WWOX: variants seen among roughly 807,000 people sequenced by gnomAD.
WWOX encodes the protein WW domain-containing oxidoreductase.
In WWOX, 69 loss-of-function variants were observed where a neutral mutation model predicts 46.2. The observed-to-expected ratio is 1.49, with a 90% confidence interval of 1.23 to 1.82. The LOEUF is 1.82. WWOX is among the 40% of genes most tolerant of loss of function. The pLI is 0.00. For synonymous variants in WWOX, 359 were observed against 202.6 expected, an observed-to-expected ratio of 1.77 and a Z score of -6.56; for missense variants, 919 against 542.6, an observed-to-expected ratio of 1.69 and a Z score of -6.89.
At chr16:78,982,053 G>T (rs905355473) in intron 8 of WWOX, among the ~76,000 whole-genome samples, 2 of 152,082 alleles carry the variant, frequency 1.3e-5, no homozygotes, top group East Asian at 1.9e-4. Flanking sequence ...TGGGTGAAAC[G>T]TGTTGTCTGT....
chr16:79,208,546 C>A (rs956460692), intron 8 of WWOX, among the ~76,000 whole-genome samples: 1 of 152,088 alleles, frequency 6.6e-6, no homozygotes, highest in Admixed American at 6.5e-5. Context: ...TTAGATGGCT[C>A]TTTCATCTTT....
chr16:78,389,866 C>G (rs561722056), intron 6 of WWOX, among the ~76,000 whole-genome samples: 1 of 152,324 alleles, frequency 6.6e-6, no homozygotes, highest in South Asian at 2.1e-4. Context: ...TCTCATGCCT[C>G]ATCCTCCAGA....
chr16:78,282,993 A>T, intron 5 of WWOX, among the ~76,000 whole-genome samples: 1 of 151,832 alleles, frequency 6.6e-6, no homozygotes, highest in Non-Finnish European at 1.5e-5. Flanking sequence ...ATTGTACAGC[A>T]GAGTTGGTCC....
intron 8 of WWOX, among the ~76,000 whole-genome samples, chr16:79,007,506 A>G (rs746101713): frequency 6.6e-6 from 1 of 152,234 alleles, no homozygotes; most frequent in Non-Finnish European, 1.5e-5. Context: ...AAAGATGATG[A>G]AGGCCTTGTA....
chr16:78,230,599 A>G (rs1019282527), intron 5 of WWOX, among the ~76,000 whole-genome samples: 4 of 152,232 alleles, frequency 2.6e-5, no homozygotes, highest in African/African-American at 7.2e-5. Context: ...AAAGAATACT[A>G]TCAACTGCTG....
intron 5 of WWOX, among the ~76,000 whole-genome samples, chr16:78,246,059 C>T (rs895417158): frequency 1.3e-5 from 2 of 152,062 alleles, no homozygotes; most frequent in Admixed American, 1.3e-4. Flanking sequence ...ACAAATCTGC[C>T]TTCCCTCATT....
chr16:78,825,178 G>A (rs1035851226), intron 8 of WWOX: 1 of 157,084 alleles, frequency 6.4e-6, no homozygotes, highest in African/African-American at 2.4e-5. Context: ...CCACCCAGGT[G>A]TGTTCCATGG....
At chr16:79,178,137 G>A (rs907491076) in intron 8 of WWOX, among the ~76,000 whole-genome samples, 1 of 152,086 alleles carries the variant, frequency 6.6e-6, no homozygotes, top group Non-Finnish European at 1.5e-5. Flanking sequence ...CCTTTTCAAC[G>A]CTTGAATTTT....
At chr16:78,773,622 C>T (rs1322218800) in intron 8 of WWOX, among the ~76,000 whole-genome samples, 2 of 152,176 alleles carry the variant, frequency 1.3e-5, no homozygotes, top group African/African-American at 2.4e-5. Flanking sequence ...TAATAGAGTG[C>T]AGGTGCCTCT....
chr16:78,986,969 A>T (rs1188601560), intron 8 of WWOX, among the ~76,000 whole-genome samples: 2 of 152,070 alleles, frequency 1.3e-5, no homozygotes, highest in Non-Finnish European at 2.9e-5. Context: ...GAGCATGGTC[A>T]GGAGGTACAG....
intron 8 of WWOX, among the ~76,000 whole-genome samples, chr16:79,178,408 C>A (rs1158381665): frequency 6.6e-6 from 1 of 152,072 alleles, no homozygotes; most frequent in African/African-American, 2.4e-5. Context: ...CTTCAACCTC[C>A]TGGGATCAAG....
At chr16:79,174,613 A>C (rs567981875) in intron 8 of WWOX, among the ~76,000 whole-genome samples, 2 of 152,300 alleles carry the variant, frequency 1.3e-5, no homozygotes, top group African/African-American at 2.4e-5. Context: ...GCACCATTGC[A>C]CTCCAGCCTG....
chr16:78,264,193 G>A (rs562671655), intron 5 of WWOX, among the ~76,000 whole-genome samples: 3 of 151,692 alleles, frequency 2.0e-5, no homozygotes, highest in Non-Finnish European at 4.4e-5. Flanking sequence ...GACCCACTTG[G>A]GAGAAGGTGA....
At chr16:78,510,958 T>C (rs1465097) in intron 8 of WWOX, among the ~76,000 whole-genome samples, 2,623 of 152,314 alleles carry the variant, frequency 0.017, 60 homozygotes, top group African/African-American at 0.053. Flanking sequence ...CCATCTGATA[T>C]CACCATTGAG....
At chr16:78,407,080 C>A (rs536643536) in intron 6 of WWOX, among the ~76,000 whole-genome samples, 34 of 152,308 alleles carry the variant, frequency 2.2e-4, no homozygotes, top group African/African-American at 6.5e-4. Flanking sequence ...AAGGGAATTG[C>A]TGTGTTCAGT....
intron 8 of WWOX, among the ~76,000 whole-genome samples, chr16:79,117,935 A>G (rs1047319232): frequency 6.6e-6 from 1 of 152,218 alleles, no homozygotes; most frequent in African/African-American, 2.4e-5. Context: ...AAACCACTCA[A>G]ACATTCTTCA....
intron 6 of WWOX, among the ~76,000 whole-genome samples, chr16:78,400,423 G>A (rs764336928): frequency 1.3e-5 from 2 of 152,152 alleles, no homozygotes; most frequent in Non-Finnish European, 2.9e-5. Flanking sequence ...GGAATCAGCT[G>A]GGAATCGAAC....
At chr16:78,107,284 C>T (rs988870402) in intron 1 of WWOX, among the ~76,000 whole-genome samples, 3 of 152,104 alleles carry the variant, frequency 2.0e-5, no homozygotes, top group African/African-American at 4.8e-5. Context: ...CCTGGTGACA[C>T]GTGTTTCTAG....
At chr16:78,399,522 A>C (rs1007125263) in intron 6 of WWOX, among the ~76,000 whole-genome samples, 3 of 152,178 alleles carry the variant, frequency 2.0e-5, no homozygotes, top group African/African-American at 7.2e-5. Context: ...TGGGTTGAAC[A>C]GGGAGCGACA....
Sources: gnomAD v4.1 joint callset for allele counts (sites outside exome capture counted in the v4.1 genomes callset) on GRCh38, gnomAD v4.1.1 for gene constraint, MANE v1.5 for transcripts, NCBI Gene and HGNC (gene_info 2026-07-23, HGNC 2026-07-21) for gene names.